ARHGAP15: variants seen among roughly 807,000 people sequenced by gnomAD.
ARHGAP15 encodes the protein rho GTPase-activating protein 15.
Under a neutral mutation model 63.7 loss-of-function variants are expected in ARHGAP15, and 51 were observed. That is an observed-to-expected ratio of 0.80 (90% CI 0.64 to 1.01). ARHGAP15 has a LOEUF of 1.01. ARHGAP15 is among the 50% of genes least tolerant of loss of function. The pLI is 0.00. For synonymous variants in ARHGAP15, 191 were observed against 193.8 expected (o/e 0.99, Z 0.12); for missense variants, 560 against 564.6 (o/e 0.99, Z 0.08).
At chr2:143,456,708 T>C (rs1690672398) in intron 8 of ARHGAP15, among the ~76,000 whole-genome samples, 1 of 152,062 alleles carries the variant, frequency 6.6e-6, no homozygotes, top group Non-Finnish European at 1.5e-5. Flanking sequence ...TTCAGCAGTC[T>C]AAATCAGAAC....
chr2:143,699,942 T>C (rs1684012765), intron 12 of ARHGAP15, among the ~76,000 whole-genome samples: 1 of 152,308 alleles, frequency 6.6e-6, no homozygotes, highest in Non-Finnish European at 1.5e-5. Context: ...ACACGGCTAA[T>C]AAAAAGCTGT....
At chr2:143,540,696 G>A (rs371363557) in intron 10 of ARHGAP15, among the ~76,000 whole-genome samples, 3 of 152,102 alleles carry the variant, frequency 2.0e-5, no homozygotes, top group Non-Finnish European at 4.4e-5. Flanking sequence ...AGAATGTTGA[G>A]TATTGGCCCC....
chr2:143,157,851 G>T (rs1690141266), intron 2 of ARHGAP15, among the ~76,000 whole-genome samples: 1 of 151,850 alleles, frequency 6.6e-6, no homozygotes, highest in Non-Finnish European at 1.5e-5. Context: ...GAAGTTGGGT[G>T]GTGGGGTGAG....
intron 11 of ARHGAP15, chr2:143,598,048 A>G (rs1036636437): frequency 3.3e-5 from 5 of 152,162 alleles, no homozygotes; most frequent in African/African-American, 7.2e-5. Flanking sequence ...ACTCCTCCCC[A>G]AAGTCTCCAC....
At chr2:143,518,482 C>G (rs1693918547) in intron 9 of ARHGAP15, among the ~76,000 whole-genome samples, 1 of 152,322 alleles carries the variant, frequency 6.6e-6, no homozygotes, top group East Asian at 1.9e-4. Context: ...CATCCTTCAC[C>G]CCTCATGGGG....
intron 11 of ARHGAP15, among the ~76,000 whole-genome samples, chr2:143,614,490 TAAAC>T (rs377164412): frequency 6.0e-4 from 92 of 152,300 alleles, no homozygotes; most frequent in East Asian, 3.1e-3. Flanking sequence ...AAGAGAATGA[TAAAC>T]AAAGAGAATA....
intron 8 of ARHGAP15, among the ~76,000 whole-genome samples, chr2:143,461,274 T>C (rs1690921790): frequency 1.0e-5 from 1 of 100,088 alleles, no homozygotes; most frequent in Non-Finnish European, 1.9e-5. Flanking sequence ...AATGAGACTC[T>C]GTCTCTCAAA....
Position 143,492,185 on chromosome 2 carries a change from C to T in ARHGAP15, c.826+4690C>T, listed in dbSNP as rs569110926. On this transcript the variant is annotated intron_variant, in intron 9 of 13. Coordinates refer to ENST00000295095, the MANE Select transcript of ARHGAP15 (RefSeq NM_018460.4). ...GTGTGAGCCACCGCGCCTGGCCCTG[C>T]TTGGTTCTTCTCCTCGCCAGATACT... Among the ~76,000 whole-genome samples, 86 of 152,104 alleles carry T rather than the reference C, an allele frequency of 5.7e-4. 2 individuals carry two copies. In the Middle Eastern group the frequency reaches 0.01, roughly 18 times the overall value.
At chr2:143,371,897 T>C (rs1272831322) in intron 6 of ARHGAP15, among the ~76,000 whole-genome samples, 1 of 152,138 alleles carries the variant, frequency 6.6e-6, no homozygotes, top group African/African-American at 2.4e-5. Context: ...TTAATTTTAC[T>C]CCTTTGACTT....
chr2:143,542,734 TAA>T (rs1491419502), intron 10 of ARHGAP15, among the ~76,000 whole-genome samples: 1 of 105,042 alleles, frequency 9.5e-6, no homozygotes, highest in Non-Finnish European at 2.0e-5. Context: ...ATCACATATA[TAA>T]TATATATATG....
chr2:143,471,201 TATGTGTGTATATATACACACAC>T (rs1484144730), intron 8 of ARHGAP15, among the ~76,000 whole-genome samples: 2 of 141,690 alleles, frequency 1.4e-5, no homozygotes, highest in East Asian at 2.0e-4. Context: ...TACACACATA[TATGTGTGTATATATACACACAC>T]ATGTGTATGT....
chr2:143,639,133 A>T (rs577446470), intron 12 of ARHGAP15, among the ~76,000 whole-genome samples: 1 of 152,240 alleles, frequency 6.6e-6, no homozygotes, highest in Admixed American at 6.5e-5. Flanking sequence ...AAAAATGATT[A>T]CAAGTGTCTA....
At chr2:143,296,454 A>G (rs1574229361) in intron 6 of ARHGAP15, among the ~76,000 whole-genome samples, 1 of 152,014 alleles carries the variant, frequency 6.6e-6, no homozygotes, top group African/African-American at 2.4e-5. Context: ...ATGTAATAGC[A>G]CAATAGAATC....
At chr2:143,387,598 A>G (rs1687341383) in intron 6 of ARHGAP15, among the ~76,000 whole-genome samples, 1 of 152,190 alleles carries the variant, frequency 6.6e-6, no homozygotes, top group African/African-American at 2.4e-5. Flanking sequence ...CAGAGCAGGT[A>G]GAGAACTTGC....
At chr2:143,157,736 A>G (rs1195685694) in intron 2 of ARHGAP15, among the ~76,000 whole-genome samples, 1 of 151,450 alleles carries the variant, frequency 6.6e-6, no homozygotes, top group Non-Finnish European at 1.5e-5. Context: ...TCCATGCACA[A>G]TTTTCTGACT....
At chr2:143,494,884 C>T (rs1692749344) in intron 9 of ARHGAP15, among the ~76,000 whole-genome samples, 1 of 152,188 alleles carries the variant, frequency 6.6e-6, no homozygotes, top group South Asian at 2.1e-4. Flanking sequence ...ATCAATCTTA[C>T]TGCTGATAGT....
At chr2:143,350,737 G>A (rs1685526159) in intron 6 of ARHGAP15, among the ~76,000 whole-genome samples, 1 of 148,644 alleles carries the variant, frequency 6.7e-6, no homozygotes, top group Non-Finnish European at 1.5e-5. Flanking sequence ...TACTCAGAAG[G>A]CTGAGGCAGG....
chr2:143,311,319 T>C lies in ARHGAP15; in HGVS notation c.474+60719T>C, dbSNP rs562097691. 5.9e-5 allele frequency among the ~76,000 whole-genome samples: 9 copies of C among 151,854 alleles called. No homozygotes were observed. In the East Asian group the frequency reaches 1.7e-3, roughly 29 times the overall value. ...TTTTTGTATTTAGCTTTTGTAAGCA[T>C]GGTTTGTATTTGCATAACCCACCAT... On this transcript the variant is annotated intron_variant, in intron 6 of 13. Coordinates refer to ENST00000295095, the MANE Select transcript of ARHGAP15 (RefSeq NM_018460.4).
chr2:143,449,494 T>A (rs1223245001), intron 8 of ARHGAP15, among the ~76,000 whole-genome samples: 1 of 152,104 alleles, frequency 6.6e-6, no homozygotes, highest in Non-Finnish European at 1.5e-5. Context: ...CTTGAGTACT[T>A]GAATTCATTT....
Sources: gnomAD v4.1 joint callset for allele counts (sites outside exome capture counted in the v4.1 genomes callset) on GRCh38, gnomAD v4.1.1 for gene constraint, MANE v1.5 for transcripts, NCBI Gene and HGNC (gene_info 2026-07-23, HGNC 2026-07-21) for gene names.